INSL4: variants seen among roughly 807,000 people sequenced by gnomAD.
The protein encoded by INSL4 is insulin like 4, also known as early placenta insulin-like peptide.
In INSL4, 7 loss-of-function variants were observed where a neutral mutation model predicts 6.5. That is an observed-to-expected ratio of 1.08 (90% CI 0.61 to 2.02). The LOEUF is 2.02. INSL4 is among the 30% of genes most tolerant of loss of function. The probability of loss-of-function intolerance (pLI) is 0.00; values close to 1 mark genes in which losing one functional copy is unlikely to be tolerated. For synonymous variants in INSL4, 82 were observed against 65.8 expected, an observed-to-expected ratio of 1.25 and a Z score of -1.19; for missense variants, 226 against 163.2, an observed-to-expected ratio of 1.38 and a Z score of -2.09.
intron 1 of INSL4, among the ~76,000 whole-genome samples, chr9:5,232,737 T>G (rs886789421): frequency 6.6e-6 from 1 of 152,226 alleles, no homozygotes; most frequent in East Asian, 1.9e-4. Context: ...AAAAGCTAAG[T>G]TAAATTACTA....
At chr9:5,231,957 G>A (rs769249794) in intron 1 of INSL4, among the ~76,000 whole-genome samples, 6 of 152,152 alleles carry the variant, frequency 3.9e-5, no homozygotes, top group Non-Finnish European at 7.4e-5. Flanking sequence ...GGCTCTTGGT[G>A]CCTTTCCCAC....
Position 5,231,550 on chromosome 9 carries a change from G to C in INSL4, c.27G>C (p.Leu9=). MASLFRSY[L]PAIWLLLSQL... is the part of the protein sequence containing the mutation. ...TGGCCAGCCTGTTCCGGTCCTATCT[G>C]CCAGCAATCTGGCTGCTGCTGAGCC... The change falls in exon 1 of 2, where the codon CTG becomes CTC. Residue 9 remains leucine, a synonymous_variant. Transcript: ENST00000239316. 1 of 1,613,546 alleles carries C rather than the reference G, an allele frequency of 6.2e-7. No homozygotes were observed. The highest frequency in any genetic ancestry group is 8.5e-7 in the Non-Finnish European group (1 of 1,179,820).
chr9:5,232,448 G>C (rs1203355860), intron 1 of INSL4, among the ~76,000 whole-genome samples: 1 of 152,154 alleles, frequency 6.6e-6, no homozygotes, highest in Non-Finnish European at 1.5e-5. Flanking sequence ...TGGATGACTA[G>C]AGGGGAAATT....
chr9:5,233,139 A>G (rs1318838503), intron 1 of INSL4, among the ~76,000 whole-genome samples: 1 of 152,160 alleles, frequency 6.6e-6, no homozygotes, highest in Non-Finnish European at 1.5e-5. Flanking sequence ...AACAAGAAAA[A>G]TGGAAAGTAT....
intron 1 of INSL4, among the ~76,000 whole-genome samples, chr9:5,232,366 T>G (rs187098130): frequency 7.1e-4 from 108 of 152,234 alleles, no homozygotes; most frequent in African/African-American, 2.5e-3. Flanking sequence ...ACAGAGCACC[T>G]TGCCTCCCAT....
At position 5,233,994 on chromosome 9, in the gene INSL4, T is replaced by C. The variant is rs188640675; in HGVS notation, c.*117T>C. Reference sequence around the variant, plus strand: ...TAGAACATGAGAATCATTATTAGTATTCACATGTTTCACTTGCTCTGTACT... The same window carrying C: ...TAGAACATGAGAATCATTATTAGTACTCACATGTTTCACTTGCTCTGTACT... On this transcript the variant is annotated 3_prime_UTR_variant, in exon 2 of 2. Transcript: ENST00000239316. 384 of 702,128 alleles carry C rather than the reference T, an allele frequency of 5.5e-4. No homozygotes were observed. Among genetic ancestry groups the C allele is most frequent in the Middle Eastern group, 2.7e-3 (7 of 2,640 alleles). 43.5% of individuals were successfully genotyped at this position (702,128 alleles called of 1,614,324 possible). A position where few individuals can be genotyped will look rare whatever the true frequency, so the allele number is the denominator to read the frequency against.
Position 5,233,761 on chromosome 9 carries a change from C to A in INSL4, c.304C>A (p.Pro102Thr). The A allele has an allele frequency of 6.2e-7, 1 of 1,613,596 alleles. No individual in the cohort carries two copies. The highest frequency in any genetic ancestry group is 8.5e-7 in the Non-Finnish European group (1 of 1,179,652). ...GAAGAAACCACTGTCTGAAGGGCAGCCATCATTGAAGAAAATAATACTTTC... is the reference window on the plus strand; with the variant it reads ...GAAGAAACCACTGTCTGAAGGGCAGACATCATTGAAGAAAATAATACTTTC... ...ELKKPLSEGQPSLKKIILSRK... is the reference protein window; with the variant it reads ...ELKKPLSEGQTSLKKIILSRK... The change falls in exon 2 of 2, where the codon CCA (proline) becomes ACA (threonine). Residue 102 changes from proline to threonine, a missense_variant. Transcript: ENST00000239316.
chr9:5,231,613 A>G lies in INSL4; in HGVS notation c.90A>G (p.Gly30=). The change falls in exon 1 of 2, where the codon GGA becomes GGG. Residue 30 remains glycine, a synonymous_variant. Transcript: ENST00000239316. The part of the protein sequence containing the change: ...LRESLAAELR[G]CGPRFGKHLL... ...AAAGCCTAGCAGCAGAGCTGAGGGGATGTGGTCCCCGATTTGGAAAACACT... is the reference window on the plus strand; with the variant it reads ...AAAGCCTAGCAGCAGAGCTGAGGGGGTGTGGTCCCCGATTTGGAAAACACT... The G allele has an allele frequency of 1.9e-6, 3 of 1,613,904 alleles. No homozygotes were observed. Among genetic ancestry groups the G allele is most frequent in the Non-Finnish European group, 2.5e-6 (3 of 1,179,884 alleles).
chr9:5,231,628 T>G lies in INSL4; in HGVS notation c.105T>G (p.Phe35Leu), dbSNP rs114667216. Residue 35 changes from phenylalanine (F) to leucine (L), a missense_variant, in exon 1 of 2, where the codon TTT becomes TTG. Transcript: ENST00000239316. ...AGCTGAGGGGATGTGGTCCCCGATT[T>G]GGAAAACACTTGCTGTCATATTGCC... Reference protein sequence around the residue: ...AAELRGCGPRFGKHLLSYCPM... With the variant: ...AAELRGCGPRLGKHLLSYCPM... The G allele has an allele frequency of 2.6e-4, 423 of 1,613,930 alleles. 1 individual carries two copies. The African/African-American group carries it at 5.3e-3, about 20-fold the overall frequency.
chr9:5,233,599 C>A, intron 1 of INSL4, 55 bp from the exon 2 acceptor site: 2 of 1,395,176 alleles, frequency 1.4e-6, no homozygotes, highest in Non-Finnish European at 2.0e-6. Context: ...TTTTTCTGAT[C>A]CTCTTTCACA....
chr9:5,231,691 G>C lies in INSL4; in HGVS notation c.168G>C (p.Gly56=). The change falls in exon 1 of 2, where the codon GGG becomes GGC. Residue 56 remains glycine, a synonymous_variant. Coordinates refer to ENST00000239316, the MANE Select transcript of INSL4 (RefSeq NM_002195.2). The part of the protein sequence containing the change: ...PEKTFTTTPG[G]WLLESGRPKE... ...AGACATTCACCACCACCCCAGGAGG[G>C]TGGCTGCTGGAATCTGGACGTCCCA... 1 of 1,613,740 alleles carries C rather than the reference G, an allele frequency of 6.2e-7. No individual in the cohort carries two copies. The highest frequency in any genetic ancestry group is 1.3e-5 in the African/African-American group (1 of 75,028).
At position 5,231,431 on chromosome 9, in the gene INSL4, A is replaced by T; in HGVS notation, c.-93A>T. On this transcript the variant is annotated 5_prime_UTR_variant, in exon 1 of 2. Transcript: ENST00000239316. ...GCATGCAGAAAGCAGTCTGGAGCCC[A>T]GAAGGGACACACCAGCACAGTCTGG... 7.9e-7 allele frequency: 1 copy of T among 1,261,284 alleles called. No individual in the cohort carries two copies. The highest frequency in any genetic ancestry group is 1.5e-5 in the African/African-American group (1 of 66,574). 78.1% of individuals were successfully genotyped at this position (1,261,284 alleles called of 1,614,324 possible).
chr9:5,233,651 C>T lies in INSL4; in HGVS notation c.197-3C>T. ...CCTTTCATTCCTCTCTTTTACTTCA[C>T]AGAAATGGTGTCAACCTCCAACAAC... On this transcript the variant is annotated splice_polypyrimidine_tract_variant and splice_region_variant and intron_variant, in intron 1 of 1. Coordinates refer to ENST00000239316, the MANE Select transcript of INSL4 (RefSeq NM_002195.2). 1 of 1,608,930 alleles carries T rather than the reference C, an allele frequency of 6.2e-7. No homozygotes were observed.
At chr9:5,232,306 A>G (rs572076340) in intron 1 of INSL4, among the ~76,000 whole-genome samples, 1 of 152,330 alleles carries the variant, frequency 6.6e-6, no homozygotes, top group South Asian at 2.1e-4. Context: ...GCAGTGGTCT[A>G]TGTCACCAAA....
rs765072712 is a variant in INSL4, at chr9:5,233,731, G to C, written c.274G>C (p.Glu92Gln). The C allele has an allele frequency of 6.2e-7, 1 of 1,613,774 alleles. No homozygotes were observed. Among genetic ancestry groups the C allele is most frequent in the Non-Finnish European group, 8.5e-7 (1 of 1,179,754 alleles). ...TSEFIPNLSP[E>Q]LKKPLSEGQP... The stretch of plus-strand genomic sequence containing the variant: ...AGAATTCATTCCTAATTTGTCACCA[G>C]AGCTGAAGAAACCACTGTCTGAAGG... Residue 92 changes from glutamate to glutamine, a missense_variant, in exon 2 of 2, where the codon GAG (glutamate) becomes CAG (glutamine). Transcript: ENST00000239316.
At chr9:5,233,353 T>C (rs1586900324) in intron 1 of INSL4, among the ~76,000 whole-genome samples, 1 of 152,116 alleles carries the variant, frequency 6.6e-6, no homozygotes, top group East Asian at 1.9e-4. Flanking sequence ...AGGTTATCAA[T>C]CAAAACAGTG....
At position 5,231,518 on chromosome 9, in the gene INSL4, T is replaced by C. The variant is rs1826144333; in HGVS notation, c.-6T>C. Reference sequence around the variant, plus strand: ...AACACCCAGAACAGGAGAGTTCAGGTCCAGGATGGCCAGCCTGTTCCGGTC... The same window carrying C: ...AACACCCAGAACAGGAGAGTTCAGGCCCAGGATGGCCAGCCTGTTCCGGTC... On this transcript the variant is annotated 5_prime_UTR_variant, in exon 1 of 2. Coordinates refer to ENST00000239316, the MANE Select transcript of INSL4 (RefSeq NM_002195.2). The C allele has an allele frequency of 5.0e-6, 8 of 1,611,476 alleles. No homozygotes were observed. The highest frequency in any genetic ancestry group is 5.1e-6 in the Non-Finnish European group (6 of 1,179,236).
chr9:5,233,152 A>C (rs1386058061), intron 1 of INSL4, among the ~76,000 whole-genome samples: 2 of 152,184 alleles, frequency 1.3e-5, no homozygotes, highest in Admixed American at 1.3e-4. Flanking sequence ...GAAAGTATTC[A>C]TGGATAACAA....
At chr9:5,233,621 C>G (rs1391029404) in intron 1 of INSL4, 33 bp from the exon 2 acceptor site, 2 of 1,536,526 alleles carry the variant, frequency 1.3e-6, no homozygotes, top group Non-Finnish European at 1.8e-6. Flanking sequence ...GAATGTTTTT[C>G]CTCACCTTTC....
Sources: gnomAD v4.1 joint callset for allele counts (sites outside exome capture counted in the v4.1 genomes callset) on GRCh38, gnomAD v4.1.1 for gene constraint, MANE v1.5 for transcripts, NCBI Gene and HGNC (gene_info 2026-07-23, HGNC 2026-07-21) for gene names.